KCNIP4: variants seen among roughly 807,000 people sequenced by gnomAD.
KCNIP4 encodes Kv channel-interacting protein 4.
In KCNIP4, 12 loss-of-function variants were observed where a neutral mutation model predicts 34.0. The ratio of observed to expected loss-of-function variants is 0.35; its 90% confidence interval spans 0.23 to 0.57. KCNIP4 has a LOEUF of 0.57. Among genes scored for constraint, KCNIP4 ranks in the 20% least tolerant of loss-of-function variants. The pLI, the probability that KCNIP4 is intolerant of heterozygous loss-of-function variation, is 0.83. For synonymous variants in KCNIP4, 124 were observed against 102.2 expected (o/e 1.21, Z -1.29); for missense variants, 238 against 311.7 (o/e 0.76, Z 1.78).
intron 1 of KCNIP4, among the ~76,000 whole-genome samples, chr4:21,532,718 T>C (rs947742032): frequency 6.6e-6 from 1 of 152,146 alleles, no homozygotes; most frequent in African/African-American, 2.4e-5. Flanking sequence ...GTGTAGCCAC[T>C]TGCCTTTAGG....
At chr4:21,946,529 C>T (rs1730520401) in intron 1 of KCNIP4, among the ~76,000 whole-genome samples, 1 of 152,152 alleles carries the variant, frequency 6.6e-6, no homozygotes, top group African/African-American at 2.4e-5. Flanking sequence ...TAAAGACCAT[C>T]CTATATCTGA....
chr4:21,342,786 C>T (rs1165842188), intron 1 of KCNIP4, among the ~76,000 whole-genome samples: 1 of 151,654 alleles, frequency 6.6e-6, no homozygotes, highest in African/African-American at 2.4e-5. Flanking sequence ...CGTATATGCA[C>T]TTTTTTTTTC....
intron 3 of KCNIP4, among the ~76,000 whole-genome samples, chr4:20,789,193 T>C (rs1196965492): frequency 6.6e-6 from 1 of 152,176 alleles, no homozygotes; most frequent in Non-Finnish European, 1.5e-5. Context: ...TTAAAAACTC[T>C]ATTGCTAAAA....
At chr4:21,424,432 C>T (rs1020063219) in intron 1 of KCNIP4, among the ~76,000 whole-genome samples, 1 of 151,780 alleles carries the variant, frequency 6.6e-6, no homozygotes, top group Non-Finnish European at 1.5e-5. Context: ...ATTAGCCAGG[C>T]ATGGTGGCAT....
intron 1 of KCNIP4, among the ~76,000 whole-genome samples, chr4:21,144,610 A>C (rs1752216908): frequency 6.6e-6 from 1 of 152,126 alleles, no homozygotes; most frequent in Admixed American, 6.5e-5. Flanking sequence ...CTGGAATATA[A>C]AGCTACTACT....
chr4:20,791,856 C>T (rs1440531911), intron 3 of KCNIP4, among the ~76,000 whole-genome samples: 1 of 152,066 alleles, frequency 6.6e-6, no homozygotes, highest in African/African-American at 2.4e-5. Flanking sequence ...AATTGAAAGC[C>T]TTAAGAAACA....
intron 5 of KCNIP4, among the ~76,000 whole-genome samples, chr4:20,737,376 G>C (rs1749868119): frequency 6.6e-6 from 1 of 152,188 alleles, no homozygotes; most frequent in African/African-American, 2.4e-5. Flanking sequence ...CAGTGGAGTA[G>C]GAGTGAAGAG....
Position 20,730,054 on chromosome 4 carries a change from C to CTGTTGGA in KCNIP4, c.*21_*27dup, listed in dbSNP as rs1308194833. 1 of 1,598,788 alleles carries CTGTTGGA rather than the reference C, an allele frequency of 6.3e-7. No individual in the cohort carries two copies. The highest frequency in any genetic ancestry group is 8.5e-7 in the Non-Finnish European group (1 of 1,174,512). On this transcript the variant is annotated 3_prime_UTR_variant, in exon 9 of 9. Coordinates refer to ENST00000382152, the MANE Select transcript of KCNIP4 (RefSeq NM_025221.6). ...GGGTGGTAGAATAGTTCACATTTGT[C>CTGTTGGA]TGTTGGATTCAGGATCTATTTGACA... is the stretch of plus-strand genomic sequence containing the variant.
At chr4:21,041,069 T>C (rs1741917058) in intron 1 of KCNIP4, among the ~76,000 whole-genome samples, 1 of 152,074 alleles carries the variant, frequency 6.6e-6, no homozygotes, top group Non-Finnish European at 1.5e-5. Context: ...CCCTTTCACA[T>C]CTACCCTGCA....
chr4:21,043,929 G>A (rs757671820), intron 1 of KCNIP4, among the ~76,000 whole-genome samples: 10 of 152,060 alleles, frequency 6.6e-5, no homozygotes, highest in Admixed American at 2.0e-4. Context: ...TATCCAAATC[G>A]CCTTTAAAAA....
intron 1 of KCNIP4, among the ~76,000 whole-genome samples, chr4:21,120,530 C>G (rs1057192123): frequency 1.3e-5 from 2 of 152,144 alleles, no homozygotes; most frequent in African/African-American, 4.8e-5. Flanking sequence ...CTTCAGGCAA[C>G]TTATAATCAT....
chr4:20,823,310 A>T (rs1382294466), intron 3 of KCNIP4, among the ~76,000 whole-genome samples: 1 of 152,168 alleles, frequency 6.6e-6, no homozygotes, highest in Non-Finnish European at 1.5e-5. Context: ...ATGTAATGCA[A>T]ATGAAATAAA....
intron 1 of KCNIP4, among the ~76,000 whole-genome samples, chr4:21,700,675 A>G (rs774993304): frequency 1.3e-5 from 2 of 152,104 alleles, no homozygotes; most frequent in African/African-American, 2.4e-5. Context: ...ATCATTGTCC[A>G]TACCAATGTC....
chr4:21,571,892 A>C (rs79139855), intron 1 of KCNIP4, among the ~76,000 whole-genome samples: 1 of 152,194 alleles, frequency 6.6e-6, no homozygotes, highest in African/African-American at 2.4e-5. Context: ...TGCTTACATT[A>C]ATACCCCATT....
intron 1 of KCNIP4, among the ~76,000 whole-genome samples, chr4:21,293,423 C>T (rs549945166): frequency 1.2e-4 from 18 of 152,250 alleles, no homozygotes; most frequent in African/African-American, 3.1e-4. Context: ...CCTGTAAGTC[C>T]GAGTTCAACT....
At chr4:20,752,127 C>T (rs955406064) in intron 4 of KCNIP4, among the ~76,000 whole-genome samples, 20 of 144,974 alleles carry the variant, frequency 1.4e-4, no homozygotes, top group African/African-American at 4.6e-4. Flanking sequence ...GGCACGATCT[C>T]GGGTCACTGC....
chr4:20,968,302 A>G (rs1349659992), intron 1 of KCNIP4, among the ~76,000 whole-genome samples: 1 of 152,200 alleles, frequency 6.6e-6, no homozygotes, highest in African/African-American at 2.4e-5. Context: ...GATGTGGAGA[A>G]ATAGGAATGC....
chr4:21,504,949 T>G (rs1577480369), intron 1 of KCNIP4, among the ~76,000 whole-genome samples: 1 of 152,256 alleles, frequency 6.6e-6, no homozygotes, highest in Non-Finnish European at 1.5e-5. Context: ...AGGTAGCCAA[T>G]AAAAGTTTAT....
At chr4:21,359,511 G>A (rs1719002576) in intron 1 of KCNIP4, among the ~76,000 whole-genome samples, 1 of 152,040 alleles carries the variant, frequency 6.6e-6, no homozygotes, top group Admixed American at 6.6e-5. Flanking sequence ...AGTAAGAAAG[G>A]CCATAAGTAT....
Sources: allele counts gnomAD v4.1 joint callset (sites outside exome capture counted in the v4.1 genomes callset), GRCh38; gene constraint gnomAD v4.1.1; transcripts MANE v1.5; gene names NCBI Gene and HGNC (gene_info 2026-07-23, HGNC 2026-07-21).